PTPRD: variants seen among roughly 807,000 people sequenced by gnomAD.
PTPRD encodes the protein receptor-type tyrosine-protein phosphatase delta.
A neutral mutation model predicts 214.5 loss-of-function variants in PTPRD; 34 were observed. The observed-to-expected ratio is 0.16, with a 90% CI of 0.12 to 0.21. The LOEUF is 0.21. Among genes scored for constraint, PTPRD ranks in the 10% least tolerant of loss-of-function variants. The probability of loss-of-function intolerance (pLI) is 1.00; values close to 1 mark genes in which losing one functional copy is unlikely to be tolerated. For synonymous variants in PTPRD, 1,128 were observed against 845.7 expected, an observed-to-expected ratio of 1.33 and a Z score of -5.79; for missense variants, 2,545 against 2,398.7, an observed-to-expected ratio of 1.06 and a Z score of -1.27.
chr9:10,160,696 A>G (rs1033464352), intron 3 of PTPRD, among the ~76,000 whole-genome samples: 1 of 151,942 alleles, frequency 6.6e-6, no homozygotes, highest in Non-Finnish European at 1.5e-5. Flanking sequence ...CACCACTTTT[A>G]TTTAACACAG....
chr9:8,960,293 T>G (rs1035023520), intron 11 of PTPRD, among the ~76,000 whole-genome samples: 1 of 152,114 alleles, frequency 6.6e-6, no homozygotes, highest in African/African-American at 2.4e-5. Flanking sequence ...TTAGTTATCA[T>G]GATTGCTAAT....
intron 11 of PTPRD, among the ~76,000 whole-genome samples, chr9:9,011,308 T>A (rs966840485): frequency 1.4e-4 from 22 of 152,168 alleles, no homozygotes; most frequent in Non-Finnish European, 1.5e-5. Context: ...CCTGGAAGAC[T>A]AGTAAGCCTG....
chr9:9,647,809 GTC>G (rs1177994974), intron 7 of PTPRD, among the ~76,000 whole-genome samples: 2 of 152,040 alleles, frequency 1.3e-5, no homozygotes, highest in African/African-American at 4.8e-5. Flanking sequence ...TTTAAATCCT[GTC>G]TCTCCCACTC....
intron 8 of PTPRD, among the ~76,000 whole-genome samples, chr9:9,510,982 C>T (rs1033116018): frequency 6.6e-6 from 1 of 151,682 alleles, no homozygotes; most frequent in African/African-American, 2.4e-5. Context: ...GGAGACACTA[C>T]AGATAGCAAC....
chr9:8,728,205 G>A (rs926362895), intron 12 of PTPRD, among the ~76,000 whole-genome samples: 8 of 152,246 alleles, frequency 5.3e-5, no homozygotes, highest in Middle Eastern at 3.4e-3. Context: ...AGCCAAGATC[G>A]TGCCATTGCA....
Position 8,349,518 on chromosome 9 carries a change from C to T in PTPRD, c.4662-7540G>A, listed in dbSNP as rs1030802603. 2.0e-5 allele frequency among the ~76,000 whole-genome samples: 3 copies of T among 152,136 alleles called. No homozygotes were observed. In the East Asian group the frequency reaches 5.8e-4, roughly 29 times the overall value. ...CCATTGCAGTGATAATGACGGAACC[C>T]TATTTAGTGCTGTTTGTTTTTCATC... On this transcript the variant is annotated intron_variant, in intron 39 of 45. Coordinates refer to ENST00000381196, the MANE Select transcript of PTPRD (RefSeq NM_002839.4).
At chr9:9,947,163 C>G (rs1236741225) in intron 4 of PTPRD, among the ~76,000 whole-genome samples, 4 of 147,494 alleles carry the variant, frequency 2.7e-5, no homozygotes, top group Non-Finnish European at 5.9e-5. Flanking sequence ...GAGGCATATT[C>G]AGTACAATGA....
intron 12 of PTPRD, among the ~76,000 whole-genome samples, chr9:8,657,498 C>T (rs1361297426): frequency 6.6e-6 from 1 of 151,980 alleles, no homozygotes; most frequent in Admixed American, 6.6e-5. Flanking sequence ...GTTTTTTCTT[C>T]TTGTAAATTT....
chr9:10,184,976 T>A (rs2099322422), intron 3 of PTPRD, among the ~76,000 whole-genome samples: 1 of 152,188 alleles, frequency 6.6e-6, no homozygotes, highest in Non-Finnish European at 1.5e-5. Flanking sequence ...TGAAAATCAT[T>A]GCCACATTCA....
intron 3 of PTPRD, among the ~76,000 whole-genome samples, chr9:10,240,657 G>T (rs2099644397): frequency 6.6e-6 from 1 of 151,756 alleles, no homozygotes; most frequent in South Asian, 2.1e-4. Context: ...AATACAAAAT[G>T]ACAAAATGTT....
At chr9:9,312,878 A>G (rs1347077386) in intron 9 of PTPRD, among the ~76,000 whole-genome samples, 1 of 152,212 alleles carries the variant, frequency 6.6e-6, no homozygotes, top group Non-Finnish European at 1.5e-5. Flanking sequence ...TTATTTTTGA[A>G]CTACGTGTTA....
chr9:9,692,763 T>G (rs2097297591), intron 7 of PTPRD, among the ~76,000 whole-genome samples: 1 of 152,008 alleles, frequency 6.6e-6, no homozygotes, highest in South Asian at 2.1e-4. Flanking sequence ...TCCATGAACA[T>G]GAAAATTGTT....
intron 3 of PTPRD, among the ~76,000 whole-genome samples, chr9:10,081,613 T>C (rs2154189616): frequency 6.6e-6 from 1 of 152,224 alleles, no homozygotes; most frequent in East Asian, 1.9e-4. Flanking sequence ...TCTGAGACTT[T>C]CAGCCTTCAT....
chr9:9,707,914 T>C (rs1286989266), intron 7 of PTPRD, among the ~76,000 whole-genome samples: 3 of 152,048 alleles, frequency 2.0e-5, no homozygotes, highest in Admixed American at 1.3e-4. Flanking sequence ...CTCTCTTTCA[T>C]TGTAACTTTT....
Position 8,716,558 on chromosome 9 carries a change from T to G in PTPRD, c.64+17222A>C, listed in dbSNP as rs118028757. On this transcript the variant is annotated intron_variant, in intron 12 of 45. Coordinates refer to ENST00000381196, the MANE Select transcript of PTPRD (RefSeq NM_002839.4). ...ATTTCTAGAGGCCCTACACAGAGATTGAAAGCCTATAGTCGCAGACGAGAT... is the reference window on the plus strand; with the variant it reads ...ATTTCTAGAGGCCCTACACAGAGATGGAAAGCCTATAGTCGCAGACGAGAT... Among the ~76,000 whole-genome samples, 228 of 150,440 alleles carry G rather than the reference T, an allele frequency of 1.5e-3. 9 individuals carry two copies. The East Asian group carries it at 0.036, about 24-fold the overall frequency.
In PTPRD at chr9:9,703,123, G is replaced by A. The variant is rs149835164; in HGVS notation, c.-287+31410C>T. Reference sequence around the variant, plus strand: ...GGCAGTTCCCCTATGCTGTTCTCGCGATGGTGACTTCTCATGAAATCTGAT... The same window carrying A: ...GGCAGTTCCCCTATGCTGTTCTCGCAATGGTGACTTCTCATGAAATCTGAT... On this transcript the variant is annotated intron_variant, in intron 7 of 45. Transcript: ENST00000381196. Among the ~76,000 whole-genome samples, 1,151 of 152,186 alleles carry A rather than the reference G, an allele frequency of 7.6e-3. 14 individuals carry two copies. Among genetic ancestry groups the A allele is most frequent in the African/African-American group, 0.026 (1,096 of 41,522 alleles).
intron 9 of PTPRD, among the ~76,000 whole-genome samples, chr9:9,348,028 T>C (rs10816096): frequency 0.23 from 34,426 of 152,116 alleles, 4,419 homozygotes; most frequent in Non-Finnish European, 0.29. Flanking sequence ...TTAGTATGCA[T>C]ATTCATCTAC....
In PTPRD at chr9:9,381,198, ATAG is replaced by A. The variant is rs2062119434; in HGVS notation, c.-203+16248_-203+16250del. 2.0e-5 allele frequency among the ~76,000 whole-genome samples: 3 copies of A among 152,148 alleles called. No individual in the cohort carries two copies. The South Asian group carries it at 6.2e-4, about 32-fold the overall frequency. ...ATTGTTCTTCAAAGTCATTATTGAT[ATAG>A]TTGTTTTAATACTATTAAATTTGTT... On this transcript the variant is annotated intron_variant, in intron 9 of 45. Transcript: ENST00000381196.
chr9:9,068,297 A>G (rs773886624), intron 10 of PTPRD, among the ~76,000 whole-genome samples: 10 of 152,154 alleles, frequency 6.6e-5, no homozygotes, highest in Admixed American at 1.3e-4. Flanking sequence ...TAGAAATAAA[A>G]TTTCTTTGAA....
Sources: allele counts gnomAD v4.1 joint callset (sites outside exome capture counted in the v4.1 genomes callset), GRCh38; gene constraint gnomAD v4.1.1; transcripts MANE v1.5; gene names NCBI Gene and HGNC (gene_info 2026-07-23, HGNC 2026-07-21).